C8orf34: variants seen among roughly 807,000 people sequenced by gnomAD.
C8orf34 encodes the protein uncharacterized protein C8orf34.
C8orf34 carries 65 observed loss-of-function variants against 68.3 expected under a neutral mutation model. The observed-to-expected ratio is 0.95, with a 90% confidence interval of 0.78 to 1.17. The LOEUF is 1.17. C8orf34 is among the 50% of genes most tolerant of loss of function. The pLI, the probability that C8orf34 is intolerant of heterozygous loss-of-function variation, is 0.00. For missense variants in C8orf34, 664 were observed against 655.4 expected (o/e 1.01, Z -0.14); for synonymous variants, 244 against 241.2 (o/e 1.01, Z -0.11).
intron 5 of C8orf34, among the ~76,000 whole-genome samples, chr8:68,488,503 A>G (rs1563480477): frequency 6.6e-6 from 1 of 152,066 alleles, no homozygotes; most frequent in Non-Finnish European, 1.5e-5. Flanking sequence ...GAAGTGGGGT[A>G]GTAGTTATGA....
intron 1 of C8orf34, among the ~76,000 whole-genome samples, chr8:68,412,597 T>G (rs1809490563): frequency 1.3e-5 from 2 of 152,154 alleles, no homozygotes; most frequent in African/African-American, 4.8e-5. Flanking sequence ...CTATATTCAT[T>G]CTTGGCAGTT....
chr8:68,700,803 G>A (rs191130740), intron 8 of C8orf34, among the ~76,000 whole-genome samples: 21 of 152,172 alleles, frequency 1.4e-4, no homozygotes, highest in African/African-American at 4.8e-4. Context: ...AATTGAGTGA[G>A]TGACAATAAG....
chr8:68,603,205 G>A (rs1429329480), intron 7 of C8orf34, among the ~76,000 whole-genome samples: 1 of 152,056 alleles, frequency 6.6e-6, no homozygotes, highest in Admixed American at 6.6e-5. Flanking sequence ...CCCTTGGCTA[G>A]GACCAAAACT....
At chr8:68,789,091 C>A (rs998817878) in intron 12 of C8orf34, among the ~76,000 whole-genome samples, 6 of 152,102 alleles carry the variant, frequency 3.9e-5, no homozygotes, top group African/African-American at 1.2e-4. Flanking sequence ...CCCATCTTCC[C>A]ACATATTTAA....
At chr8:68,575,854 T>C (rs1816885578) in intron 7 of C8orf34, among the ~76,000 whole-genome samples, 1 of 152,000 alleles carries the variant, frequency 6.6e-6, no homozygotes, top group Non-Finnish European at 1.5e-5. Flanking sequence ...GTAAATTATT[T>C]ACCTGTTTAA....
chr8:68,548,939 A>G (rs1028915859), intron 7 of C8orf34, among the ~76,000 whole-genome samples: 2 of 151,772 alleles, frequency 1.3e-5, no homozygotes, highest in South Asian at 4.1e-4. Context: ...CCCTAACCCC[A>G]ATGGGATTGT....
intron 6 of C8orf34, among the ~76,000 whole-genome samples, chr8:68,525,266 A>G (rs1028054105): frequency 1.3e-5 from 2 of 152,230 alleles, no homozygotes; most frequent in African/African-American, 4.8e-5. Context: ...GTATGATGGA[A>G]TATAAATCAA....
At chr8:68,769,512 G>A (rs719690) in intron 10 of C8orf34, among the ~76,000 whole-genome samples, 43,350 of 151,726 alleles carry the variant, frequency 0.29, 6,651 homozygotes, top group African/African-American at 0.38. Context: ...ACTTATTCAT[G>A]TGTATTTTTC....
chr8:68,572,548 T>C (rs1281436017), intron 7 of C8orf34, among the ~76,000 whole-genome samples: 4 of 151,884 alleles, frequency 2.6e-5, no homozygotes, highest in Admixed American at 6.6e-5. Flanking sequence ...GTATTTATAA[T>C]CTTGATACTG....
At chr8:68,793,842 G>A (rs1046296471) in intron 12 of C8orf34, among the ~76,000 whole-genome samples, 6 of 151,830 alleles carry the variant, frequency 4.0e-5, no homozygotes, top group Admixed American at 6.6e-5. Context: ...AAAAATTACT[G>A]GCAAAAATTA....
chr8:68,640,277 T>C, intron 7 of C8orf34, 99 bp from the exon 8 acceptor site: 3 of 1,107,888 alleles, frequency 2.7e-6, no homozygotes, highest in Non-Finnish European at 3.9e-6. Context: ...TATATTGTTT[T>C]GCTTAACAAA....
At chr8:68,488,165 G>C (rs1391221582) in intron 5 of C8orf34, 114 bp downstream of exon 5, 3 of 730,440 alleles carry the variant, frequency 4.1e-6, no homozygotes, top group Non-Finnish European at 6.4e-6. Context: ...AATTTATTTG[G>C]GCTAACATTT....
rs532634539 is a variant in C8orf34 at position 68,453,512 on chromosome 8, G to A, written c.607+7052G>A. Among the ~76,000 whole-genome samples the A allele has an allele frequency of 7.9e-5, 12 of 152,036 alleles. No homozygotes were observed. The East Asian group carries it at 2.1e-3, about 27-fold the overall frequency. ...TGTCCTTGGTTAAATTTATTCCAGA[G>A]GATCTTATTCCTTCAGATGCTATCG... On this transcript the variant is annotated intron_variant, in intron 3 of 13. Coordinates refer to ENST00000518698, the MANE Select transcript of C8orf34 (RefSeq NM_052958.4).
intron 1 of C8orf34, among the ~76,000 whole-genome samples, chr8:68,333,664 A>G (rs946145035): frequency 2.6e-5 from 4 of 152,188 alleles, no homozygotes; most frequent in Admixed American, 1.3e-4. Context: ...ACCTTACTCA[A>G]TAGTTTTCAC....
In C8orf34 at chr8:68,749,496, A is replaced by C. The variant is rs570251534; in HGVS notation, c.1405-26903A>C. ...AATTTACCCATTTTAAGTATATAAT[A>C]AACATTTTTAAATTTCTGAGTTGTG... On this transcript the variant is annotated intron_variant, in intron 10 of 13. Transcript: ENST00000518698. Among the ~76,000 whole-genome samples the C allele has an allele frequency of 2.6e-5, 4 of 152,274 alleles. No individual in the cohort carries two copies. The East Asian group carries it at 7.7e-4, about 29-fold the overall frequency.
intron 5 of C8orf34, among the ~76,000 whole-genome samples, chr8:68,488,996 TTA>T (rs796678886): frequency 1.1e-3 from 166 of 151,206 alleles, no homozygotes; most frequent in African/African-American, 3.8e-3. Flanking sequence ...ACGTTTTTTT[TTA>T]AAATAGCAGT....
chr8:68,787,006 G>A (rs1823864176), intron 11 of C8orf34, among the ~76,000 whole-genome samples: 1 of 151,430 alleles, frequency 6.6e-6, no homozygotes, highest in East Asian at 1.9e-4. Context: ...AGAGGAAGGA[G>A]GCAGTGAAGT....
chr8:68,367,835 C>T (rs1398163850), intron 1 of C8orf34, among the ~76,000 whole-genome samples: 1 of 121,948 alleles, frequency 8.2e-6, no homozygotes, highest in African/African-American at 3.1e-5. Context: ...ACCAGCATGG[C>T]ACATGTATAC....
intron 1 of C8orf34, among the ~76,000 whole-genome samples, chr8:68,401,815 C>T (rs1808968340): frequency 1.3e-5 from 2 of 151,420 alleles, no homozygotes; most frequent in South Asian, 4.2e-4. Context: ...TTATTGAGGA[C>T]TTTTTGCGTC....
Sources: allele counts gnomAD v4.1 joint callset (sites outside exome capture counted in the v4.1 genomes callset), GRCh38; gene constraint gnomAD v4.1.1; transcripts MANE v1.5; gene names NCBI Gene and HGNC (gene_info 2026-07-23, HGNC 2026-07-21).